Variants in TBK1 observed in about 807,000 individuals in gnomAD.
The protein encoded by TBK1 is TANK binding kinase 1, also known as serine/threonine-protein kinase TBK1.
Under a neutral mutation model 99.9 loss-of-function variants are expected in TBK1, and 37 were observed. The ratio of observed to expected loss-of-function variants is 0.37; its 90% confidence interval spans 0.28 to 0.49. The LOEUF (loss-of-function observed/expected upper bound fraction) is 0.49, where lower values mean the gene tolerates loss of function less well. TBK1 is among the 20% of genes least tolerant of loss of function. The pLI is 0.98. For synonymous variants in TBK1, 258 were observed against 279.8 expected, an observed-to-expected ratio of 0.92 and a Z score of 0.78; for missense variants, 644 against 872.5, an observed-to-expected ratio of 0.74 and a Z score of 3.30.
At position 64,469,403 on chromosome 12, in the gene TBK1, G is replaced by A. The variant is rs567365029; in HGVS notation, c.540+2321G>A. Reference sequence around the variant, plus strand: ...CCTTTCTCCGTCCTACATGACATTTGTGCTTTTGCTATTATCCTTTTGTCT... The same window carrying A: ...CCTTTCTCCGTCCTACATGACATTTATGCTTTTGCTATTATCCTTTTGTCT... On this transcript the variant is annotated intron_variant, in intron 5 of 20. Coordinates refer to ENST00000331710, the MANE Select transcript of TBK1 (RefSeq NM_013254.4). Among the ~76,000 whole-genome samples, 31 of 152,020 alleles carry A rather than the reference G, an allele frequency of 2.0e-4. No homozygotes were observed. In the South Asian group the frequency reaches 6.4e-3, roughly 32 times the overall value.
rs151225287 is a variant in TBK1 at position 64,495,505 on chromosome 12, T to C, written c.1544T>C (p.Ile515Thr). 3 of 1,613,978 alleles carry C rather than the reference T, an allele frequency of 1.9e-6. No individual in the cohort carries two copies. Among genetic ancestry groups the C allele is most frequent in the East Asian group, 2.2e-5 (1 of 44,868 alleles). The change falls in exon 14 of 21, where the codon ATA becomes ACA. Residue 515 changes from isoleucine (I) to threonine (T), a missense_variant. Transcript: ENST00000331710. ...LLRLSSSQGT[I>T]ETSLQDIDSR... ...TAGCTTTCCAGTTCTCAGGGAACAA[T>C]AGAAACCAGTCTTCAGGATATCGAC...
At chr12:64,460,385 A>G in intron 3 of TBK1, 56 bp downstream of exon 3, 9 of 1,340,822 alleles carry the variant, frequency 6.7e-6, no homozygotes, top group Non-Finnish European at 7.9e-6. Context: ...AAGAAATAGA[A>G]CCTAATATTA....
chr12:64,500,665 T>C (rs1158178541), intron 20 of TBK1, among the ~76,000 whole-genome samples: 1 of 152,054 alleles, frequency 6.6e-6, no homozygotes, highest in Admixed American at 6.6e-5. Context: ...CCAACTTTAC[T>C]TCCCACTGCT....
At chr12:64,464,126 T>A (rs1258872877) in intron 3 of TBK1, among the ~76,000 whole-genome samples, 1 of 152,148 alleles carries the variant, frequency 6.6e-6, no homozygotes, top group Non-Finnish European at 1.5e-5. Flanking sequence ...CCTCCCAAAG[T>A]GCTGGGATTA....
chr12:64,474,435 G>C, intron 6 of TBK1, 45 bp downstream of exon 6: 1 of 1,557,832 alleles, frequency 6.4e-7, no homozygotes, highest in Non-Finnish European at 8.8e-7. Context: ...TTTAAAAAAT[G>C]ATTTCTGTCT....
chr12:64,467,069 C>A lies in TBK1; in HGVS notation c.527C>A (p.Thr176Lys). ...GAGCAGTTTGTTTCTCTGTATGGCA[C>A]AGAAGAATATTTGGTAAGTCATGTA... ...DDEQFVSLYG[T>K]EEYLHPDMYE... The change falls in exon 5 of 21, where the codon ACA becomes AAA. Residue 176 changes from threonine (T) to lysine (K), a missense_variant. Around this residue, in one of 3 missense-constraint regions of TBK1, gnomAD observed 31 missense variants for 82.4 expected, o/e 0.38. Transcript: ENST00000331710. 6.3e-7 allele frequency: 1 copy of A among 1,597,684 alleles called. No homozygotes were observed. The highest frequency in any genetic ancestry group is 1.7e-5 in the Admixed American group (1 of 57,656).
chr12:64,494,924 A>T (rs556785850), intron 13 of TBK1, among the ~76,000 whole-genome samples: 11 of 152,332 alleles, frequency 7.2e-5, no homozygotes, highest in African/African-American at 2.2e-4. Flanking sequence ...TTTAAGTCTA[A>T]CCTTCATCCT....
In TBK1 at chr12:64,460,236, C is replaced by T. The variant is rs11538420; in HGVS notation, c.135C>T (p.Phe45=). ...TCAAAGTATTTAATAACATAAGCTT[C>T]CTTCGTCCAGTGGATGTTCAAATGA... The part of the protein sequence containing the change: ...FAIKVFNNIS[F]LRPVDVQMRE... Residue 45 remains phenylalanine, a synonymous_variant, in exon 3 of 21, where the codon TTC becomes TTT. Coordinates refer to ENST00000331710, the MANE Select transcript of TBK1 (RefSeq NM_013254.4). 2,278 of 1,573,626 alleles carry T rather than the reference C, an allele frequency of 1.4e-3. 4 individuals carry two copies. Among genetic ancestry groups the T allele is most frequent in the Non-Finnish European group, 1.8e-3 (2,105 of 1,158,506 alleles).
At position 64,481,835 on chromosome 12, in the gene TBK1, A is replaced by G. The variant is rs376075252; in HGVS notation, c.813-7A>G. 3 of 1,566,016 alleles carry G rather than the reference A, an allele frequency of 1.9e-6. No individual in the cohort carries two copies. Among genetic ancestry groups the G allele is most frequent in the African/African-American group, 1.4e-5 (1 of 72,154 alleles). On this transcript the variant is annotated splice_polypyrimidine_tract_variant and splice_region_variant and intron_variant, in intron 7 of 20. Coordinates refer to ENST00000331710, the MANE Select transcript of TBK1 (RefSeq NM_013254.4). ...ACTCTTCAAGTAACTTTTCAATACT[A>G]TTTTAGGGGTCTTCAGGTTCTACTT...
intron 3 of TBK1, among the ~76,000 whole-genome samples, chr12:64,463,412 C>A (rs1416569663): frequency 2.7e-5 from 4 of 149,484 alleles, no homozygotes; most frequent in Non-Finnish European, 5.9e-5. Flanking sequence ...GAAAGAAATT[C>A]AAGTGACTGG....
intron 3 of TBK1, among the ~76,000 whole-genome samples, chr12:64,463,698 C>CAAAA (rs58483035): frequency 7.8e-6 from 1 of 128,132 alleles, no homozygotes. Context: ...GACTCTGTCT[C>CAAAA]AAAAAAAAAA....
At chr12:64,498,788 T>C (rs1356281188) in intron 20 of TBK1, among the ~76,000 whole-genome samples, 1 of 151,972 alleles carries the variant, frequency 6.6e-6, no homozygotes, top group Non-Finnish European at 1.5e-5. Context: ...AAACCCTGTC[T>C]CTACCAAAAA....
intron 20 of TBK1, among the ~76,000 whole-genome samples, chr12:64,500,851 C>T (rs746268172): frequency 2.6e-5 from 4 of 151,316 alleles, no homozygotes; most frequent in Non-Finnish European, 5.9e-5. Context: ...CTCTGCCTCC[C>T]GGGTTCAAGC....
intron 1 of TBK1, among the ~76,000 whole-genome samples, chr12:64,453,208 C>T (rs963227282): frequency 6.6e-6 from 1 of 152,220 alleles, no homozygotes; most frequent in African/African-American, 2.4e-5. Context: ...GACATTTCCC[C>T]TGACCACTAT....
At chr12:64,474,419 G>A (rs1320157573) in intron 6 of TBK1, 29 bp downstream of exon 6, 1 of 1,581,912 alleles carries the variant, frequency 6.3e-7, no homozygotes, top group Admixed American at 1.8e-5. Flanking sequence ...TAAAATCAGA[G>A]AAGCATTTAA....
intron 5 of TBK1, among the ~76,000 whole-genome samples, chr12:64,467,457 T>A (rs763467670): frequency 2.6e-5 from 4 of 152,148 alleles, no homozygotes; most frequent in Non-Finnish European, 5.9e-5. Context: ...GGTTATTGAA[T>A]GACGAAAAGG....
chr12:64,474,167 A>G, intron 5 of TBK1, 63 bp from the exon 6 acceptor site: 1 of 1,456,552 alleles, frequency 6.9e-7, no homozygotes. Flanking sequence ...TTGAGTATCC[A>G]TTTGTTTGTA....
intron 11 of TBK1, among the ~76,000 whole-genome samples, chr12:64,486,334 T>TTCAG (rs1464589831): frequency 6.6e-6 from 1 of 152,222 alleles, no homozygotes; most frequent in Non-Finnish European, 1.5e-5. Context: ...CTTGTTAGAA[T>TTCAG]TCAGTACAAT....
In TBK1 at chr12:64,485,997, A is replaced by G; in HGVS notation, c.1320A>G (p.Arg440=). The G allele has an allele frequency of 6.3e-7, 1 of 1,590,686 alleles. No homozygotes were observed. The highest frequency in any genetic ancestry group is 1.1e-5 in the South Asian group (1 of 87,944). ...TACTGCTTTATCAGGAATTAATGCGAAAGGGGATACGATGGCTGATGTAAG... is the reference window on the plus strand; with the variant it reads ...TACTGCTTTATCAGGAATTAATGCGGAAGGGGATACGATGGCTGATGTAAG... ...STLLLYQELM[R]KGIRWLIELI... is the part of the protein sequence containing the mutation. Residue 440 remains arginine (R), a synonymous_variant, in exon 11 of 21, where the codon CGA becomes CGG. Transcript: ENST00000331710.
Sources: gnomAD v4.1 joint callset for allele counts (sites outside exome capture counted in the v4.1 genomes callset) on GRCh38, gnomAD v4.1.1 for gene constraint, gnomAD v4.1.1 regional missense constraint, MANE v1.5 for transcripts, NCBI Gene and HGNC (gene_info 2026-07-23, HGNC 2026-07-21) for gene names.